The following SMCHD1 variants were observed in gnomAD, a reference collection of about 807,000 sequenced individuals.
SMCHD1 encodes the protein structural maintenance of chromosomes flexible hinge domain containing 1.
In SMCHD1, 78 loss-of-function variants were observed where a neutral mutation model predicts 254.7. The ratio of observed to expected loss-of-function variants is 0.31; its 90% CI spans 0.26 to 0.37. The LOEUF is 0.37. SMCHD1 is among the 10% of genes least tolerant of loss of function. SMCHD1 has a pLI of 1.00. For missense variants in SMCHD1, 1,840 were observed against 2,408.1 expected (o/e 0.76, Z 4.94); for synonymous variants, 766 against 794.9 (o/e 0.96, Z 0.61).
intron 43 of SMCHD1, 108 bp downstream of exon 43, chr18:2,778,023 A>G: frequency 5.9e-6 from 6 of 1,010,018 alleles, no homozygotes; most frequent in Non-Finnish European, 8.6e-6. Flanking sequence ...CTTATCAGTC[A>G]TAGTTTTATC....
chr18:2,760,795 C>A, intron 35 of SMCHD1, 56 bp downstream of exon 35: 1 of 987,136 alleles, frequency 1.0e-6, no homozygotes, highest in South Asian at 1.5e-5. Context: ...TTTTTTTTCC[C>A]TCTTGGTTCT....
In SMCHD1 at chr18:2,656,162, C is replaced by T; in HGVS notation, c.87C>T (p.Tyr29=). 6.6e-7 allele frequency: 1 copy of T among 1,517,042 alleles called. No homozygotes were observed. Among genetic ancestry groups the T allele is most frequent in the Middle Eastern group, 1.7e-4 (1 of 5,774 alleles). 94.0% of individuals were successfully genotyped at this position (1,517,042 alleles called of 1,614,324 possible). A position where few individuals can be genotyped will look rare whatever the true frequency, so the allele number is the denominator to read the frequency against. ...DGGGVGHRTV[Y]LFDRREKESE... ...GAGGCGTCGGCCACAGGACGGTGTACTTGTTTGATCGGCGCGAAAAGGAGT... is the reference window on the plus strand; with the variant it reads ...GAGGCGTCGGCCACAGGACGGTGTATTTGTTTGATCGGCGCGAAAAGGAGT... Residue 29 remains tyrosine (Y), a synonymous_variant, in exon 1 of 48, where the codon TAC becomes TAT. Coordinates refer to ENST00000320876, the MANE Select transcript of SMCHD1 (RefSeq NM_015295.3).
chr18:2,803,336 T>A lies in SMCHD1; in HGVS notation c.*784T>A, dbSNP rs2076396717. ...ATTTTACATTTACATTATTTTGTAA[T>A]TTTTTATTACTATTTTTAAGGGGTT... On this transcript the variant is annotated 3_prime_UTR_variant, in exon 48 of 48. Coordinates refer to ENST00000320876, the MANE Select transcript of SMCHD1 (RefSeq NM_015295.3). 1.3e-5 allele frequency: 2 copies of A among 151,342 alleles called. No individual in the cohort carries two copies. The highest frequency in any genetic ancestry group is 4.1e-4 in the South Asian group (2 of 4,834). The allele number at this position is 151,342 out of a possible 1,614,324, so 9.4% of individuals were successfully genotyped here. A position where few individuals can be genotyped will look rare whatever the true frequency, so the allele number is the denominator to read the frequency against.
intron 37 of SMCHD1, 137 bp from the exon 38 acceptor site, chr18:2,769,557 T>C: frequency 1.2e-6 from 1 of 848,344 alleles, no homozygotes; most frequent in East Asian, 2.7e-5. Flanking sequence ...TAATGGAATC[T>C]TAAGGATCAG....
At chr18:2,708,125 T>A (rs936447112) in intron 17 of SMCHD1, among the ~76,000 whole-genome samples, 13 of 152,138 alleles carry the variant, frequency 8.5e-5, no homozygotes, top group Admixed American at 3.9e-4. Flanking sequence ...TCATCTTGAA[T>A]TTTTTCATGT....
At position 2,700,817 on chromosome 18, in the gene SMCHD1, A is replaced by T; in HGVS notation, c.1546A>T (p.Asn516Tyr). ...YNRISGALFT[N>Y]DKFQVSTNKL... ...TAGGATATCTGGTGCATTATTCACT[A>T]ATGACAAATTCCAGGTCAGCACAAA... Residue 516 changes from asparagine (N) to tyrosine (Y), a missense_variant, in exon 12 of 48, where the codon AAT (asparagine) becomes TAT (tyrosine). Coordinates refer to ENST00000320876, the MANE Select transcript of SMCHD1 (RefSeq NM_015295.3). 6.2e-7 allele frequency: 1 copy of T among 1,613,562 alleles called. No homozygotes were observed. Among genetic ancestry groups the T allele is most frequent in the Non-Finnish European group, 8.5e-7 (1 of 1,179,642 alleles).
At chr18:2,687,000 A>G (rs535314597) in intron 5 of SMCHD1, among the ~76,000 whole-genome samples, 3 of 151,838 alleles carry the variant, frequency 2.0e-5, no homozygotes, top group Non-Finnish European at 4.4e-5. Context: ...TTTAGACTTT[A>G]TATCTTCTCT....
intron 28 of SMCHD1, among the ~76,000 whole-genome samples, chr18:2,742,829 A>G (rs28631736): frequency 0.2 from 30,900 of 151,922 alleles, 3,399 homozygotes; most frequent in South Asian, 0.33. Flanking sequence ...GACGCATGCC[A>G]CTACACCTGG....
At chr18:2,681,909 G>C (rs1156803254) in intron 5 of SMCHD1, among the ~76,000 whole-genome samples, 1 of 152,204 alleles carries the variant, frequency 6.6e-6, no homozygotes, top group Non-Finnish European at 1.5e-5. Flanking sequence ...ATTTTAAGCT[G>C]TAGAAATGGA....
chr18:2,669,648 T>C (rs2073541272), intron 3 of SMCHD1, among the ~76,000 whole-genome samples: 1 of 152,212 alleles, frequency 6.6e-6, no homozygotes, highest in Admixed American at 6.5e-5. Context: ...GAAGTGACTC[T>C]CACAAGGAAG....
rs1368391515 is a variant in SMCHD1 at position 2,723,172 on chromosome 18, T to G, written c.2603+509T>G. ...TTCCTTTCTGCTAACATATTTTTAG[T>G]TGCTGTGAGTTCTTTCTGGTTCTCT... On this transcript the variant is annotated intron_variant, in intron 20 of 47. Coordinates refer to ENST00000320876, the MANE Select transcript of SMCHD1 (RefSeq NM_015295.3). 2.0e-5 allele frequency among the ~76,000 whole-genome samples: 3 copies of G among 152,238 alleles called. No homozygotes were observed. The East Asian group carries it at 5.8e-4, about 29-fold the overall frequency.
At chr18:2,744,078 T>G in intron 29 of SMCHD1, 150 bp downstream of exon 29, 1 of 601,880 alleles carries the variant, frequency 1.7e-6, no homozygotes, top group Non-Finnish European at 2.8e-6. Flanking sequence ...CAAGGTAATG[T>G]GAGTCTTAAT....
intron 21 of SMCHD1, 120 bp downstream of exon 21, chr18:2,725,115 G>T: frequency 5.5e-6 from 3 of 540,964 alleles, no homozygotes; most frequent in Non-Finnish European, 8.9e-6. Context: ...ACAGTAATTG[G>T]GTTCTTAGGA....
chr18:2,787,274 C>A (rs1030613566), intron 45 of SMCHD1, among the ~76,000 whole-genome samples: 1 of 152,136 alleles, frequency 6.6e-6, no homozygotes, highest in African/African-American at 2.4e-5. Flanking sequence ...AGGGATGGCA[C>A]TAATCTATTC....
intron 29 of SMCHD1, among the ~76,000 whole-genome samples, chr18:2,745,181 C>A (rs2075427777): frequency 2.3e-5 from 1 of 43,886 alleles, no homozygotes; most frequent in African/African-American, 6.5e-5. Flanking sequence ...AACTTTGAAA[C>A]AAGTTTTATT....
intron 17 of SMCHD1, among the ~76,000 whole-genome samples, chr18:2,713,302 T>G (rs1469281945): frequency 6.6e-6 from 1 of 152,224 alleles, no homozygotes; most frequent in Non-Finnish European, 1.5e-5. Flanking sequence ...ATCAGAAAGT[T>G]GCTTGGGTCT....
chr18:2,739,315 T>C, intron 26 of SMCHD1, 117 bp from the exon 27 acceptor site: 1 of 711,242 alleles, frequency 1.4e-6, no homozygotes, highest in African/African-American at 1.8e-5. Flanking sequence ...TTTGAAGGAG[T>C]GTTATTGTAT....
intron 29 of SMCHD1, among the ~76,000 whole-genome samples, chr18:2,745,102 C>T (rs907008148): frequency 2.0e-5 from 3 of 152,194 alleles, no homozygotes; most frequent in African/African-American, 7.2e-5. Flanking sequence ...CTTGGCCTCC[C>T]GAAGTGCTGG....
At chr18:2,782,743 TCAAAAA>T (rs1568379989) in intron 44 of SMCHD1, among the ~76,000 whole-genome samples, 2 of 56,430 alleles carry the variant, frequency 3.5e-5, no homozygotes, top group East Asian at 4.7e-4. Flanking sequence ...AGACCACAAC[TCAAAAA>T]AAAAAAAAAA....
Sources: allele counts gnomAD v4.1 joint callset (sites outside exome capture counted in the v4.1 genomes callset), GRCh38; gene constraint gnomAD v4.1.1; transcripts MANE v1.5; gene names NCBI Gene and HGNC (gene_info 2026-07-23, HGNC 2026-07-21).